The following TTC3 variants were observed in gnomAD, a reference collection of about 807,000 sequenced individuals.
TTC3 encodes tetratricopeptide repeat domain 3.
In TTC3, 180 loss-of-function variants were observed where a neutral mutation model predicts 249.6. The ratio of observed to expected loss-of-function variants is 0.72; its 90% CI spans 0.64 to 0.82. The LOEUF (loss-of-function observed/expected upper bound fraction) is 0.82, where lower values mean the gene tolerates loss of function less well. Among genes scored for constraint, TTC3 ranks in the 40% least tolerant of loss-of-function variants. The pLI is 0.00. For missense variants in TTC3, 2,061 were observed against 2,398.4 expected, an observed-to-expected ratio of 0.86 and a Z score of 2.94; for synonymous variants, 717 against 805.0, an observed-to-expected ratio of 0.89 and a Z score of 1.85.
chr21:37,155,311 G>A (rs932868007), intron 27 of TTC3, among the ~76,000 whole-genome samples: 1 of 152,130 alleles, frequency 6.6e-6, no homozygotes, highest in East Asian at 1.9e-4. Context: ...GAGGGAGGGA[G>A]AGAGAGAAAT....
chr21:37,087,889 T>C lies in TTC3; in HGVS notation c.187+14T>C, dbSNP rs1476328903. On this transcript the variant is annotated intron_variant, in intron 3 of 45. Coordinates refer to ENST00000355666, the Ensembl canonical transcript of TTC3. ...AGAGGAATTTGGGTGAGTACGTTGG[T>C]ATTTTTAATGTTAATTTATGGAAAG... is the stretch of plus-strand genomic sequence containing the variant. The C allele has an allele frequency of 5.1e-6, 8 of 1,583,504 alleles. No homozygotes were observed. Among genetic ancestry groups the C allele is most frequent in the Non-Finnish European group, 6.9e-6 (8 of 1,158,764 alleles).
At chr21:37,104,588 CAAAAAAAAAAAAA>C (rs141618903) in intron 10 of TTC3, among the ~76,000 whole-genome samples, 2 of 104,334 alleles carry the variant, frequency 1.9e-5, no homozygotes, top group Admixed American at 2.1e-4. Context: ...AACTCCGTCT[CAAAAAAAAAAAAA>C]AAAAAAAAGA....
intron 1 of TTC3, among the ~76,000 whole-genome samples, chr21:37,078,117 G>A (rs1402333733): frequency 6.6e-6 from 1 of 151,970 alleles, no homozygotes; most frequent in Non-Finnish European, 1.5e-5. Context: ...TTCACCAGTG[G>A]TCTGCTGTGC....
chr21:37,194,708 A>T (rs1020844168), intron 41 of TTC3: 1 of 152,172 alleles, frequency 6.6e-6, no homozygotes, highest in Non-Finnish European at 1.5e-5. Context: ...TGTACAGTAT[A>T]TGTAGGGTTC....
At chr21:37,200,291 T>C in exon 45 of TTC3, 1 of 1,614,232 alleles carries the variant, frequency 6.2e-7, no homozygotes, top group Non-Finnish European at 8.5e-7. Flanking sequence ...AAAACGTGCG[T>C]GTGCTCAAAT....
intron 8 of TTC3, 135 bp from the exon 9 acceptor site, chr21:37,095,215 C>T: frequency 1.7e-6 from 1 of 593,266 alleles, no homozygotes; most frequent in South Asian, 2.1e-5. Context: ...ATTGTAATCT[C>T]ATTTTCTACA....
At chr21:37,118,932 T>G (rs1054034245) in intron 11 of TTC3, among the ~76,000 whole-genome samples, 1 of 152,200 alleles carries the variant, frequency 6.6e-6, no homozygotes, top group South Asian at 2.1e-4. Flanking sequence ...CTTTAACATA[T>G]TCCATCTTTC....
intron 1 of TTC3, among the ~76,000 whole-genome samples, chr21:37,080,088 A>AT (rs962633566): frequency 8.6e-5 from 13 of 152,002 alleles, no homozygotes; most frequent in African/African-American, 2.9e-4. Flanking sequence ...TTTCACTTAA[A>AT]TTACACACTT....
At chr21:37,121,256 A>G in intron 11 of TTC3, 1 of 152,348 alleles carries the variant, frequency 6.6e-6, no homozygotes, top group South Asian at 2.1e-4. Flanking sequence ...GCACTTAGAG[A>G]TAACAATGAA....
intron 22 of TTC3, among the ~76,000 whole-genome samples, chr21:37,148,294 A>C (rs1029632320): frequency 1.3e-5 from 2 of 152,216 alleles, no homozygotes; most frequent in African/African-American, 4.8e-5. Context: ...TAAGTCTGGC[A>C]CTTAATTGAG....
intron 38 of TTC3, 40 bp downstream of exon 38, chr21:37,187,185 A>G (rs1169733152): frequency 1.4e-6 from 2 of 1,452,834 alleles, no homozygotes; most frequent in Middle Eastern, 1.7e-4. Context: ...GGCATTTGTC[A>G]TTTGTTTTTG....
At chr21:37,103,666 T>C (rs1466250832) in intron 10 of TTC3, among the ~76,000 whole-genome samples, 3 of 152,244 alleles carry the variant, frequency 2.0e-5, no homozygotes, top group African/African-American at 7.2e-5. Context: ...TCAGCATTGA[T>C]TCAACAAATA....
intron 10 of TTC3, 113 bp from the exon 11 acceptor site, chr21:37,108,279 T>C: frequency 1.3e-6 from 1 of 773,538 alleles, no homozygotes; most frequent in South Asian, 2.8e-5. Flanking sequence ...TTAATTAAAA[T>C]TATCTTTTGA....
chr21:37,146,312 T>G (rs1455778875), intron 21 of TTC3, among the ~76,000 whole-genome samples: 1 of 152,120 alleles, frequency 6.6e-6, no homozygotes, highest in Non-Finnish European at 1.5e-5. Flanking sequence ...GAGGATTGCT[T>G]GAGCTCAGGA....
intron 20 of TTC3, among the ~76,000 whole-genome samples, chr21:37,143,479 G>A (rs2078685354): frequency 6.6e-6 from 1 of 152,016 alleles, no homozygotes; most frequent in African/African-American, 2.4e-5. Context: ...GCAGCCAACA[G>A]ACACATGAAA....
chr21:37,165,638 A>G, exon 33 of TTC3: 2 of 1,614,108 alleles, frequency 1.2e-6, no homozygotes, highest in Non-Finnish European at 1.7e-6. Flanking sequence ...CCCAGAAGAA[A>G]CTCGACAGAT....
At chr21:37,174,544 C>T (rs955486047) in intron 35 of TTC3, among the ~76,000 whole-genome samples, 3 of 152,142 alleles carry the variant, frequency 2.0e-5, no homozygotes, top group African/African-American at 7.2e-5. Context: ...GTCCCTTTGG[C>T]CTTTGACTGC....
intron 19 of TTC3, among the ~76,000 whole-genome samples, chr21:37,140,281 C>G (rs548905288): frequency 6.6e-5 from 10 of 152,162 alleles, no homozygotes; most frequent in African/African-American, 2.2e-4. Flanking sequence ...TTAGTATTAG[C>G]CAGCACACGC....
Position 37,152,869 on chromosome 21 carries a change from T to A in TTC3, c.2414-82T>A, listed in dbSNP as rs976262807. On this transcript the variant is annotated intron_variant, in intron 26 of 45. Transcript: ENST00000355666. ...TAATCAATCTGAATCATATTTTATA[T>A]TATGTAATTTTGTTATTTCTAAGTT... 9 of 1,093,114 alleles carry A rather than the reference T, an allele frequency of 8.2e-6. No homozygotes were observed. The South Asian group carries it at 1.3e-4, about 16-fold the overall frequency. 67.7% of individuals were successfully genotyped at this position (1,093,114 alleles called of 1,614,324 possible).
Sources: gnomAD v4.1 joint callset for allele counts (sites outside exome capture counted in the v4.1 genomes callset) on GRCh38, gnomAD v4.1.1 for gene constraint, MANE v1.5 for transcripts, NCBI Gene and HGNC (gene_info 2026-07-23, HGNC 2026-07-21) for gene names.